CHMP7: variants seen among roughly 807,000 people sequenced by gnomAD.
CHMP7 encodes the protein charged multivesicular body protein 7.
Under a neutral mutation model 53.7 loss-of-function variants are expected in CHMP7, and 15 were observed. That is an observed-to-expected ratio of 0.28 (90% CI 0.19 to 0.43). The LOEUF is 0.43. Among genes scored for constraint, CHMP7 ranks in the 20% least tolerant of loss-of-function variants. The probability of loss-of-function intolerance (pLI) is 1.00; values close to 1 mark genes in which losing one functional copy is unlikely to be tolerated. For missense variants in CHMP7, 527 were observed against 569.4 expected, an observed-to-expected ratio of 0.93 and a Z score of 0.76; for synonymous variants, 261 against 228.0, an observed-to-expected ratio of 1.14 and a Z score of -1.30.
rs1048331347 is a variant in CHMP7 at position 23,243,708 on chromosome 8, C to G, written c.-577C>G. 4 of 152,818 alleles carry G rather than the reference C, an allele frequency of 2.6e-5. No individual in the cohort carries two copies. The highest frequency in any genetic ancestry group is 9.7e-5 in the African/African-American group (4 of 41,450). 9.5% of individuals were successfully genotyped at this position (152,818 alleles called of 1,614,324 possible). ...TTGCTTGCCTGACTTTGAGTATACT[C>G]GTCTTTTCTCTTGGCCAACCTTACG... is the stretch of plus-strand genomic sequence containing the variant. On this transcript the variant is annotated 5_prime_UTR_variant, in exon 1 of 11. Coordinates refer to ENST00000397677, the MANE Select transcript of CHMP7 (RefSeq NM_152272.5).
Position 23,246,854 on chromosome 8 carries a change from G to A in CHMP7, c.159G>A (p.Met53Ile). 1 of 1,597,258 alleles carries A rather than the reference G, an allele frequency of 6.3e-7. No homozygotes were observed. The highest frequency in any genetic ancestry group is 8.5e-7 in the Non-Finnish European group (1 of 1,172,502). Residue 53 changes from methionine (M) to isoleucine (I), a missense_variant, in exon 2 of 11, where the codon ATG becomes ATA. Coordinates refer to ENST00000397677, the MANE Select transcript of CHMP7 (RefSeq NM_152272.5). Reference protein sequence around the residue: ...EVNSTDWDSKMGFWAPLVLSH... With the variant: ...EVNSTDWDSKIGFWAPLVLSH... The stretch of plus-strand genomic sequence containing the variant: ...ACAGCACCGACTGGGACAGCAAGAT[G>A]GGCTTCTGGGCGCCGTTGGTGCTGA...
At chr8:23,247,338 G>A (rs1290146251) in intron 2 of CHMP7, among the ~76,000 whole-genome samples, 4 of 152,190 alleles carry the variant, frequency 2.6e-5, no homozygotes, top group African/African-American at 7.2e-5. Flanking sequence ...TGAATGGCCC[G>A]TGGAGCAGAA....
chr8:23,255,104 GA>G (rs1193585667), intron 3 of CHMP7, 142 bp from the exon 4 acceptor site: 1 of 784,114 alleles, frequency 1.3e-6, no homozygotes, highest in Non-Finnish European at 2.1e-6. Context: ...CCTCCTTTTT[GA>G]AAAGCCGCTA....
chr8:23,253,895 G>C (rs6557644), intron 3 of CHMP7, among the ~76,000 whole-genome samples: 116,943 of 151,956 alleles, frequency 0.77, 46,644 homozygotes, highest in South Asian at 0.94. Flanking sequence ...ACAATCCATC[G>C]TCTCCCAATT....
chr8:23,252,195 CTTTTTTT>C (rs373288680), intron 3 of CHMP7, among the ~76,000 whole-genome samples: 1 of 105,298 alleles, frequency 9.5e-6, no homozygotes, highest in Non-Finnish European at 2.0e-5. Context: ...ATTGTGTTAT[CTTTTTTT>C]TTTTTTTGAG....
intron 6 of CHMP7, 42 bp downstream of exon 6, chr8:23,258,123 C>G (rs770779468): frequency 6.4e-7 from 1 of 1,567,748 alleles, no homozygotes; most frequent in Non-Finnish European, 8.8e-7. Context: ...GTGCCCCAGG[C>G]AGGCCTGGAG....
At chr8:23,257,324 C>G (rs145834064) in intron 5 of CHMP7, among the ~76,000 whole-genome samples, 1 of 151,954 alleles carries the variant, frequency 6.6e-6, no homozygotes, top group Non-Finnish European at 1.5e-5. Flanking sequence ...TCACACTCCT[C>G]GGCGCAAACA....
chr8:23,244,763 C>T (rs1037925462), intron 1 of CHMP7, among the ~76,000 whole-genome samples: 1 of 152,168 alleles, frequency 6.6e-6, no homozygotes, highest in Non-Finnish European at 1.5e-5. Context: ...GTTTTCCTGT[C>T]CATGAATATA....
At chr8:23,250,662 G>C (rs993071895) in intron 3 of CHMP7, among the ~76,000 whole-genome samples, 11 of 121,126 alleles carry the variant, frequency 9.1e-5, no homozygotes, top group Admixed American at 1.8e-4. Context: ...GTGTGTGTGT[G>C]TGTTGACTGA....
intron 4 of CHMP7, 24 bp downstream of exon 4, chr8:23,255,456 C>T: frequency 6.2e-7 from 1 of 1,609,412 alleles, no homozygotes. Context: ...TCTGTTCATT[C>T]ACTGACTCAG....
chr8:23,256,021 A>G (rs1170139721), intron 4 of CHMP7, among the ~76,000 whole-genome samples: 2 of 151,996 alleles, frequency 1.3e-5, no homozygotes, highest in East Asian at 1.9e-4. Flanking sequence ...CGGCCTCCCA[A>G]AGTGCTAGGA....
At chr8:23,250,225 A>G (rs1801867028) in intron 3 of CHMP7, among the ~76,000 whole-genome samples, 1 of 152,068 alleles carries the variant, frequency 6.6e-6, no homozygotes, top group African/African-American at 2.4e-5. Context: ...AAGTAGACTC[A>G]GCATTCCTGA....
chr8:23,252,315 A>G (rs1484717515), intron 3 of CHMP7: 1 of 150,044 alleles, frequency 6.7e-6, no homozygotes, highest in African/African-American at 2.4e-5. Context: ...CCTTCCGAGC[A>G]GTTGGGACTA....
chr8:23,248,681 T>G (rs975861350), intron 2 of CHMP7, among the ~76,000 whole-genome samples: 3 of 152,208 alleles, frequency 2.0e-5, no homozygotes, highest in Non-Finnish European at 2.9e-5. Context: ...GGCAAGCATT[T>G]AATAAATTGA....
At chr8:23,256,702 T>TTTTAGCTAA in intron 5 of CHMP7, 109 bp downstream of exon 5, 6 of 853,444 alleles carry the variant, frequency 7.0e-6, no homozygotes, top group East Asian at 2.6e-5. Flanking sequence ...TTTTTTTTTT[T>TTTTAGCTAA]TTAGCTAATT....
chr8:23,258,732 G>A lies in CHMP7; in HGVS notation c.961G>A (p.Val321Ile). 1.2e-6 allele frequency: 2 copies of A among 1,608,672 alleles called. No individual in the cohort carries two copies. The highest frequency in any genetic ancestry group is 1.7e-6 in the Non-Finnish European group (2 of 1,175,296). The change falls in exon 8 of 11, where the codon GTT (valine) becomes ATT (isoleucine). Residue 321 changes from valine to isoleucine, a missense_variant and splice_region_variant. Physicochemically the swap from Val to Ile is conservative, Grantham distance 29. Transcript: ENST00000397677. Reference sequence around the variant, plus strand: ...ACTGATAGCTTTGCTTTGTCTTTAGGTTTTTAACGCCTACCAGGCTGGGGT... The same window carrying A: ...ACTGATAGCTTTGCTTTGTCTTTAGATTTTTAACGCCTACCAGGCTGGGGT... ...RIYASQTDQM[V>I]FNAYQAGVGA... is the part of the protein sequence containing the mutation.
At chr8:23,256,982 TG>T (rs1296198301) in intron 5 of CHMP7, among the ~76,000 whole-genome samples, 3 of 151,758 alleles carry the variant, frequency 2.0e-5, no homozygotes, top group Non-Finnish European at 2.9e-5. Flanking sequence ...CTAGTAGAGA[TG>T]GGGTTTCACT....
At chr8:23,252,678 T>C (rs1001895822) in intron 3 of CHMP7, among the ~76,000 whole-genome samples, 1 of 152,252 alleles carries the variant, frequency 6.6e-6, no homozygotes, top group South Asian at 2.1e-4. Flanking sequence ...TGTATGGCTA[T>C]TGAATTTCAG....
At chr8:23,251,144 T>C (rs1246101069) in intron 3 of CHMP7, among the ~76,000 whole-genome samples, 1 of 152,148 alleles carries the variant, frequency 6.6e-6, no homozygotes, top group Non-Finnish European at 1.5e-5. Flanking sequence ...AGAGGAGAGG[T>C]AAACCCATGG....
Sources: allele counts gnomAD v4.1 joint callset (sites outside exome capture counted in the v4.1 genomes callset), GRCh38; gene constraint gnomAD v4.1.1; transcripts MANE v1.5; gene names NCBI Gene and HGNC (gene_info 2026-07-23, HGNC 2026-07-21).